PNPLA7: variants seen among roughly 807,000 people sequenced by gnomAD.
The protein encoded by PNPLA7 is patatin-like phospholipase domain-containing protein 7.
In PNPLA7, 153 loss-of-function variants were observed where a neutral mutation model predicts 161.7. That is an observed-to-expected ratio of 0.95 (90% CI 0.83 to 1.08). The LOEUF (loss-of-function observed/expected upper bound fraction) is 1.08. Ranked by LOEUF, PNPLA7 falls within the 50% of genes least tolerant of loss-of-function variation. The pLI, the probability that PNPLA7 is intolerant of heterozygous loss-of-function variation, is 0.00. For synonymous variants in PNPLA7, 809 were observed against 782.1 expected (o/e 1.03, Z -0.57); for missense variants, 1,739 against 1,856.6 (o/e 0.94, Z 1.16).
intron 10 of PNPLA7, among the ~76,000 whole-genome samples, chr9:137,521,421 A>C (rs1279177222): frequency 1.3e-5 from 2 of 152,214 alleles, no homozygotes; most frequent in African/African-American, 4.8e-5. Context: ...CAGGAGAATC[A>C]AGCCTCCAAA....
rs34938599 is a variant in PNPLA7, at chr9:137,480,347, C to T, written c.2545G>A (p.Val849Met). The change falls in exon 23 of 35, where the codon GTG (valine) becomes ATG (methionine). Residue 849 changes from valine to methionine, a missense_variant. Coordinates refer to ENST00000406427, the MANE Select transcript of PNPLA7 (RefSeq NM_001098537.3). Reference protein sequence around the residue: ...CVRQADCILIVGLGDQEPTVG... With the variant: ...CVRQADCILIMGLGDQEPTVG... ...GTGGGCTCCTGGTCACCCAGGCCCA[C>T]GATGAGGATGCAGTCGGCCTGGCGC... is the stretch of plus-strand genomic sequence containing the variant. 9,140 of 1,613,230 alleles carry T rather than the reference C, an allele frequency of 5.7e-3. 461 individuals carry two copies. In the African/African-American group the frequency reaches 0.11, roughly 19 times the overall value.
chr9:137,536,732 C>G (rs1212586918), intron 8 of PNPLA7, among the ~76,000 whole-genome samples: 1 of 152,198 alleles, frequency 6.6e-6, no homozygotes, highest in African/African-American at 2.4e-5. Flanking sequence ...TAGCATGAGG[C>G]ATGGGGGCAA....
chr9:137,527,586 G>A (rs1835367177), intron 8 of PNPLA7, among the ~76,000 whole-genome samples: 1 of 152,098 alleles, frequency 6.6e-6, no homozygotes, highest in Non-Finnish European at 1.5e-5. Flanking sequence ...AAACAGCTTT[G>A]CTCCTGGAAT....
rs1832514725 is a variant in PNPLA7, at chr9:137,486,914, C to T, written c.2198-2178G>A. 6.6e-6 allele frequency among the ~76,000 whole-genome samples: 1 copy of T among 151,982 alleles called. No homozygotes were observed. On this transcript the variant is annotated intron_variant, in intron 20 of 34. Transcript: ENST00000406427. This position sits in a 1 kb window ranked among gnomAD's most constrained non-coding sequence, Gnocchi z 6.0. ...GACCCCCACACCACACAGCTCTCTT[C>T]CTGGCCCCAAGGGTCCTGACCTCCT...
At chr9:137,532,748 C>G (rs1835643980) in intron 8 of PNPLA7, among the ~76,000 whole-genome samples, 1 of 152,144 alleles carries the variant, frequency 6.6e-6, no homozygotes, top group Admixed American at 6.5e-5. Context: ...AGGCTAACCC[C>G]AAGTCACTTT....
chr9:137,503,318 T>A (rs911778316), intron 14 of PNPLA7, among the ~76,000 whole-genome samples: 1 of 151,674 alleles, frequency 6.6e-6, no homozygotes, highest in Non-Finnish European at 1.5e-5. Flanking sequence ...GAAGTGGAGG[T>A]TGCAGTGAAC....
chr9:137,510,412 T>A lies in PNPLA7; in HGVS notation c.1226-4329A>T, dbSNP rs576734977. ...AGTAGTAAATTAGTGAAAATACTAA[T>A]AGTCCCTGATATGCAGAAATAATGG... On this transcript the variant is annotated intron_variant, in intron 12 of 34. Transcript: ENST00000406427. Among the ~76,000 whole-genome samples the A allele has an allele frequency of 1.5e-4, 23 of 152,280 alleles. No homozygotes were observed. The South Asian group carries it at 3.3e-3, about 22-fold the overall frequency.
chr9:137,501,678 CCT>C lies in PNPLA7; in HGVS notation c.1521_1522del (p.Gly508HisfsTer78), dbSNP rs758791358. 5.0e-6 allele frequency: 8 copies of C among 1,612,602 alleles called. No individual in the cohort carries two copies. The highest frequency in any genetic ancestry group is 6.8e-6 in the Non-Finnish European group (8 of 1,179,884). On this transcript the variant is annotated frameshift_variant, in exon 15 of 35. Coordinates refer to ENST00000406427, the MANE Select transcript of PNPLA7 (RefSeq NM_001098537.3). LOFTEE classifies it high-confidence loss of function. Reference sequence around the variant, plus strand: ...GTCTCCCTGCCTTGACACCACCGTGCCTGCAGGAACGTGCAGAAGCGCCACCC... The same window carrying C: ...GTCTCCCTGCCTTGACACCACCGTGCGCAGGAACGTGCAGAAGCGCCACCC...
chr9:137,535,667 C>T (rs1349376520), intron 8 of PNPLA7, among the ~76,000 whole-genome samples: 1 of 149,384 alleles, frequency 6.7e-6, no homozygotes, highest in Admixed American at 6.7e-5. Flanking sequence ...GCAGGAGAAT[C>T]GTTTGAACAC....
At chr9:137,502,283 T>C (rs1254847082) in intron 14 of PNPLA7, among the ~76,000 whole-genome samples, 2 of 152,114 alleles carry the variant, frequency 1.3e-5, no homozygotes, top group East Asian at 3.9e-4. Context: ...CCACGAAGGT[T>C]TGAAACATCA....
In PNPLA7 at chr9:137,495,067, C is replaced by G; in HGVS notation, c.2093G>C (p.Gly698Ala). 3 of 1,610,602 alleles carry G rather than the reference C, an allele frequency of 1.9e-6. No homozygotes were observed. The highest frequency in any genetic ancestry group is 2.5e-6 in the Non-Finnish European group (3 of 1,179,534). ...CCTGCGCTTGATGGACGTGAGGGCT[C>G]CTGCCGGCAGCTTGGCCAATTCTGA... Reference protein sequence around the residue: ...RDSELAKLPAGALTSIKRRYP... With the variant: ...RDSELAKLPAAALTSIKRRYP... The change falls in exon 19 of 35, where the codon GGA (glycine) becomes GCA (alanine). Residue 698 changes from glycine to alanine, a missense_variant. By Grantham distance (60) the Gly-to-Ala change is moderately conservative. Coordinates refer to ENST00000406427, the MANE Select transcript of PNPLA7 (RefSeq NM_001098537.3).
At position 137,515,390 on chromosome 9, in the gene PNPLA7, G is replaced by A. The variant is rs140581167; in HGVS notation, c.1214C>T (p.Ser405Leu). ...EKPGAGDPDP[S>L]APQGGPGSAT... Reference sequence around the variant, plus strand: ...TCGAGGTTCTTTACCTTGTGGGGCCGAAGGGTCAGGGTCACCTGCCCCGGG... The same window carrying A: ...TCGAGGTTCTTTACCTTGTGGGGCCAAAGGGTCAGGGTCACCTGCCCCGGG... The change falls in exon 12 of 35, where the codon TCG becomes TTG. Residue 405 changes from serine (S) to leucine (L), a missense_variant. Coordinates refer to ENST00000406427, the MANE Select transcript of PNPLA7 (RefSeq NM_001098537.3). The A allele has an allele frequency of 1.5e-3, 2,361 of 1,603,996 alleles. 1 individual carries two copies. Among genetic ancestry groups the A allele is most frequent in the Non-Finnish European group, 1.8e-3 (2,169 of 1,176,358 alleles).
chr9:137,497,386 A>T, intron 17 of PNPLA7, 76 bp from the exon 18 acceptor site: 1 of 1,332,724 alleles, frequency 7.5e-7, no homozygotes, highest in South Asian at 2.0e-5. Context: ...AATGCCAGAC[A>T]GACTCAGGAT....
At chr9:137,502,737 CGAGAGGGAT>C (rs1833546742) in intron 14 of PNPLA7, among the ~76,000 whole-genome samples, 1 of 62,900 alleles carries the variant, frequency 1.6e-5, no homozygotes, top group Admixed American at 1.6e-4. Context: ...ACGGGGGGGA[CGAGAGGGAT>C]GTGGGAGCCG....
chr9:137,469,974 A>G (rs1349825096), intron 25 of PNPLA7, among the ~76,000 whole-genome samples: 6 of 152,194 alleles, frequency 3.9e-5, no homozygotes, highest in African/African-American at 1.2e-4. Flanking sequence ...AAGAAATAGA[A>G]CATATGAGTA....
At chr9:137,534,522 G>A (rs1222080558) in intron 8 of PNPLA7, among the ~76,000 whole-genome samples, 1 of 152,156 alleles carries the variant, frequency 6.6e-6, no homozygotes, top group Non-Finnish European at 1.5e-5. Flanking sequence ...CCAACCCAGT[G>A]CCACCACAGC....
intron 14 of PNPLA7, among the ~76,000 whole-genome samples, chr9:137,502,319 G>A (rs1349423613): frequency 1.3e-5 from 2 of 152,118 alleles, no homozygotes; most frequent in Admixed American, 6.5e-5. Flanking sequence ...AGTCCACAGT[G>A]ATGATGAAAT....
Position 137,546,849 on chromosome 9 carries a change from C to A in PNPLA7, c.254G>T (p.Gly85Val), listed in dbSNP as rs756828588. The A allele has an allele frequency of 1.2e-6, 2 of 1,613,926 alleles. No individual in the cohort carries two copies. Among genetic ancestry groups the A allele is most frequent in the South Asian group, 1.1e-5 (1 of 91,090 alleles). ...AGCTACCTTCCTCATGATCTTCCGGCCGTAAAACATCACTTTGTCTCTCTT... is the reference window on the plus strand; with the variant it reads ...AGCTACCTTCCTCATGATCTTCCGGACGTAAAACATCACTTTGTCTCTCTT... ...FRKRDKVMFY[G>V]RKIMRKVTTL... The change falls in exon 4 of 35, where the codon GGC (glycine) becomes GTC (valine). Residue 85 changes from glycine to valine, a missense_variant. Gly to Val is a moderately radical substitution (Grantham distance 109). Around this residue, in one of 6 missense-constraint regions of PNPLA7, gnomAD observed 209 missense variants for 252.8 expected, o/e 0.83. Coordinates refer to ENST00000406427, the MANE Select transcript of PNPLA7 (RefSeq NM_001098537.3).
At chr9:137,492,273 C>T (rs1169730696) in intron 20 of PNPLA7, 3 of 985,160 alleles carry the variant, frequency 3.0e-6, no homozygotes, top group Non-Finnish European at 3.6e-6. Context: ...AGAGCACTCT[C>T]CGCTCCACCA....
Sources: gnomAD v4.1 joint callset for allele counts (sites outside exome capture counted in the v4.1 genomes callset) on GRCh38, gnomAD v4.1.1 for gene constraint, gnomAD v4.1.1 regional missense constraint, Gnocchi (gnomAD v3.1) non-coding constraint, MANE v1.5 for transcripts, NCBI Gene and HGNC (gene_info 2026-07-23, HGNC 2026-07-21) for gene names.